The following FHIT variants were observed in gnomAD, a reference collection of about 807,000 sequenced individuals.
FHIT encodes bis(5'-adenosyl)-triphosphatase.
A neutral mutation model predicts 17.9 loss-of-function variants in FHIT; 19 were observed. The ratio of observed to expected loss-of-function variants is 1.06; its 90% CI spans 0.74 to 1.56. The LOEUF is 1.56. FHIT is among the 40% of genes most tolerant of loss of function. FHIT has a pLI of 0.00. For synonymous variants in FHIT, 81 were observed against 69.7 expected (o/e 1.16, Z -0.81); for missense variants, 248 against 189.2 (o/e 1.31, Z -1.82).
At chr3:60,715,035 T>C (rs1279433816) in intron 4 of FHIT, among the ~76,000 whole-genome samples, 2 of 152,130 alleles carry the variant, frequency 1.3e-5, no homozygotes, top group Non-Finnish European at 2.9e-5. Flanking sequence ...CTTCAAACTA[T>C]ACTACAAGGC....
At chr3:60,603,139 C>T (rs2038498342) in intron 4 of FHIT, among the ~76,000 whole-genome samples, 1 of 152,106 alleles carries the variant, frequency 6.6e-6, no homozygotes, top group African/African-American at 2.4e-5. Context: ...GTAATCTCTC[C>T]TAGTGAATAA....
In FHIT at chr3:60,196,241, G is replaced by A. The variant is rs763823571; in HGVS notation, c.104-182089C>T. ...AAGTAAGCAGGGCTGTGTTCCTTCT[G>A]GGGGCTCTAGTTCAGAATCCATTCC... On this transcript the variant is annotated intron_variant, in intron 5 of 9. Transcript: ENST00000492590. Among the ~76,000 whole-genome samples the A allele has an allele frequency of 5.9e-5, 9 of 152,182 alleles. No homozygotes were observed. In the East Asian group the frequency reaches 7.7e-4, roughly 13 times the overall value.
At chr3:60,641,023 T>C (rs2039711710) in intron 4 of FHIT, among the ~76,000 whole-genome samples, 1 of 151,802 alleles carries the variant, frequency 6.6e-6, no homozygotes, top group African/African-American at 2.4e-5. Flanking sequence ...TTACCAAAAA[T>C]ACAAAATTTA....
At chr3:60,998,182 T>G (rs544206243) in intron 3 of FHIT, among the ~76,000 whole-genome samples, 1 of 152,318 alleles carries the variant, frequency 6.6e-6, no homozygotes, top group African/African-American at 2.4e-5. Context: ...TGACATCACA[T>G]GATGAAACAA....
intron 2 of FHIT, among the ~76,000 whole-genome samples, chr3:61,151,782 G>A (rs2037400473): frequency 6.6e-6 from 1 of 151,834 alleles, no homozygotes; most frequent in Non-Finnish European, 1.5e-5. Context: ...TGGCCAGGCT[G>A]GTCTCGAGCT....
intron 4 of FHIT, among the ~76,000 whole-genome samples, chr3:60,654,484 G>A (rs1403546132): frequency 1.3e-5 from 2 of 152,052 alleles, no homozygotes; most frequent in Non-Finnish European, 2.9e-5. Context: ...AGAACAAAGA[G>A]TGTAATTATG....
intron 5 of FHIT, among the ~76,000 whole-genome samples, chr3:60,435,787 C>T (rs1438550413): frequency 2.6e-5 from 4 of 152,074 alleles, no homozygotes; most frequent in Non-Finnish European, 4.4e-5. Flanking sequence ...GTTACTTTTC[C>T]TGATCGTCTC....
chr3:60,604,169 G>A (rs1287204308), intron 4 of FHIT, among the ~76,000 whole-genome samples: 4 of 152,128 alleles, frequency 2.6e-5, no homozygotes, highest in African/African-American at 9.7e-5. Context: ...TTAGTACAGT[G>A]AGAGAAAGTG....
chr3:59,949,041 T>TA (rs1323011846), intron 7 of FHIT, among the ~76,000 whole-genome samples: 2 of 152,160 alleles, frequency 1.3e-5, no homozygotes, highest in Non-Finnish European at 2.9e-5. Flanking sequence ...TTACCTCCTC[T>TA]TCCTCTCCCT....
intron 4 of FHIT, among the ~76,000 whole-genome samples, chr3:60,720,995 C>T (rs913530279): frequency 2.0e-5 from 3 of 152,074 alleles, no homozygotes; most frequent in South Asian, 2.1e-4. Context: ...TATGGTAACA[C>T]GTGAAGATGA....
At position 60,446,387 on chromosome 3, in the gene FHIT, G is replaced by A. The variant is rs540121345; in HGVS notation, c.103+90473C>T. ...TCTGGCAGCCAGTCTGAAATGGGGC[G>A]TTACTTTCATCCAATTTGGAATTGA... On this transcript the variant is annotated intron_variant, in intron 5 of 9. Transcript: ENST00000492590. Among the ~76,000 whole-genome samples the A allele has an allele frequency of 9.9e-5, 15 of 152,232 alleles. No individual in the cohort carries two copies. In the Middle Eastern group the frequency reaches 0.014, roughly 138 times the overall value.
At chr3:59,963,868 C>A (rs572369809) in intron 7 of FHIT, among the ~76,000 whole-genome samples, 1 of 152,280 alleles carries the variant, frequency 6.6e-6, no homozygotes, top group East Asian at 1.9e-4. Context: ...ATTAACAGAA[C>A]ACAATTTAAA....
At chr3:61,141,689 T>A (rs1576092878) in intron 2 of FHIT, among the ~76,000 whole-genome samples, 1 of 151,520 alleles carries the variant, frequency 6.6e-6, no homozygotes, top group African/African-American at 2.4e-5. Flanking sequence ...GAACCAATGT[T>A]CTCTGCTTTG....
intron 2 of FHIT, among the ~76,000 whole-genome samples, chr3:61,098,384 A>T (rs1331168482): frequency 1.3e-5 from 2 of 152,154 alleles, no homozygotes; most frequent in Non-Finnish European, 2.9e-5. Context: ...GGGTAGCATG[A>T]TGCCTCCAGT....
At chr3:60,148,681 A>G (rs746652544) in intron 5 of FHIT, among the ~76,000 whole-genome samples, 1 of 152,180 alleles carries the variant, frequency 6.6e-6, no homozygotes, top group Non-Finnish European at 1.5e-5. Context: ...TGTTCCCAAT[A>G]AGGAAAGATA....
chr3:60,465,919 G>T (rs548416008), intron 5 of FHIT, among the ~76,000 whole-genome samples: 5 of 152,138 alleles, frequency 3.3e-5, no homozygotes, highest in African/African-American at 1.2e-4. Flanking sequence ...CTATTTTCAT[G>T]AAGAATGTCA....
intron 2 of FHIT, among the ~76,000 whole-genome samples, chr3:61,179,569 G>C (rs1038605744): frequency 2.0e-5 from 3 of 151,728 alleles, no homozygotes. Context: ...TTAACCAGGT[G>C]TGGTGGTGCA....
chr3:61,157,443 A>G (rs2037564464), intron 2 of FHIT, among the ~76,000 whole-genome samples: 1 of 152,178 alleles, frequency 6.6e-6, no homozygotes, highest in South Asian at 2.1e-4. Flanking sequence ...GCCACCAGGA[A>G]CACCCTGGTA....
chr3:59,952,913 G>A (rs548865346), intron 7 of FHIT, among the ~76,000 whole-genome samples: 19 of 152,116 alleles, frequency 1.2e-4, no homozygotes, highest in Admixed American at 2.6e-4. Flanking sequence ...CCACTCTGAA[G>A]CCTACGTTCC....
Sources: gnomAD v4.1 joint callset for allele counts (sites outside exome capture counted in the v4.1 genomes callset) on GRCh38, gnomAD v4.1.1 for gene constraint, MANE v1.5 for transcripts, NCBI Gene and HGNC (gene_info 2026-07-23, HGNC 2026-07-21) for gene names.